Variants in ANK1 observed in about 807,000 individuals in gnomAD.
The protein encoded by ANK1 is ankyrin 1.
ANK1 carries 51 observed loss-of-function variants against 210.4 expected under a neutral mutation model. That is an observed-to-expected ratio of 0.24 (90% CI 0.19 to 0.31). The LOEUF (loss-of-function observed/expected upper bound fraction) is 0.31. ANK1 is among the 10% of genes least tolerant of loss of function. The probability of loss-of-function intolerance (pLI) is 1.00; values close to 1 mark genes in which losing one functional copy is unlikely to be tolerated. For synonymous variants in ANK1, 967 were observed against 1,025.9 expected (o/e 0.94, Z 1.10); for missense variants, 2,051 against 2,504.4 (o/e 0.82, Z 3.86).
chr8:41,896,175 C>G (rs921844520), intron 1 of ANK1, among the ~76,000 whole-genome samples: 1 of 152,190 alleles, frequency 6.6e-6, no homozygotes, highest in Admixed American at 6.5e-5. Context: ...TGTCCCCTTC[C>G]CGGCCGCGCA....
intron 1 of ANK1, among the ~76,000 whole-genome samples, chr8:41,889,623 G>A (rs1376429062): frequency 6.6e-6 from 1 of 152,078 alleles, no homozygotes; most frequent in African/African-American, 2.4e-5. Context: ...TTCCTTTCTT[G>A]GAGAATGTGC....
intron 11 of ANK1, 104 bp from the exon 12 acceptor site, chr8:41,717,806 A>T (rs995558033): frequency 4.3e-6 from 5 of 1,160,298 alleles, no homozygotes; most frequent in Admixed American, 2.0e-5. Context: ...ATTTTCCAAG[A>T]AAAGGGAGCT....
intron 1 of ANK1, among the ~76,000 whole-genome samples, chr8:41,887,662 T>A (rs1818695963): frequency 1.3e-5 from 2 of 152,236 alleles, no homozygotes; most frequent in Non-Finnish European, 2.9e-5. Flanking sequence ...AGTGTGTATT[T>A]CTCTGATGAC....
At chr8:41,784,615 T>G (rs1375099786) in intron 1 of ANK1, among the ~76,000 whole-genome samples, 1 of 152,208 alleles carries the variant, frequency 6.6e-6, no homozygotes, top group Non-Finnish European at 1.5e-5. Flanking sequence ...CTAAATCTAT[T>G]CAGTTAAAGC....
Position 41,692,852 on chromosome 8 carries a change from C to G in ANK1, c.3654G>C (p.Arg1218=), listed in dbSNP as rs745969838. 1.2e-6 allele frequency: 2 copies of G among 1,613,978 alleles called. No individual in the cohort carries two copies. Among genetic ancestry groups the G allele is most frequent in the South Asian group, 2.2e-5 (2 of 91,052 alleles). Residue 1218 remains arginine, a synonymous_variant, in exon 31 of 43, where the codon CGG becomes CGC. Coordinates refer to ENST00000289734, the MANE Select transcript of ANK1 (RefSeq NM_000037.4). ...SARFWLSDCP[R]TAEAVNFATL... ...TGGCAAAGTTCACAGCCTCAGCAGT[C>G]CGAGGACAGTCCGACAGCCAAAACC...
intron 1 of ANK1, among the ~76,000 whole-genome samples, chr8:41,775,434 C>T (rs1843812814): frequency 6.6e-6 from 1 of 152,174 alleles, no homozygotes; most frequent in Non-Finnish European, 1.5e-5. Context: ...CAAGGCTTCC[C>T]TTACATGGAG....
At chr8:41,693,525 C>T (rs1429166828) in intron 29 of ANK1, among the ~76,000 whole-genome samples, 2 of 140,728 alleles carry the variant, frequency 1.4e-5, no homozygotes, top group South Asian at 2.4e-4. Flanking sequence ...GCAACCTCCA[C>T]CTCCCAGGTT....
At chr8:41,767,415 C>G (rs771073382) in intron 1 of ANK1, among the ~76,000 whole-genome samples, 52 of 151,954 alleles carry the variant, frequency 3.4e-4, no homozygotes, top group Admixed American at 1.2e-3. Context: ...GAGCCCGGCT[C>G]CCGCTCCCCC....
upstream of ANK1, among the ~76,000 whole-genome samples, chr8:41,797,828 G>A (rs1044865573): frequency 8.5e-5 from 13 of 152,132 alleles, no homozygotes; most frequent in Middle Eastern, 3.4e-3. This position sits in a 1 kb window ranked among gnomAD's most constrained non-coding sequence, Gnocchi z 4.0. Context: ...TTGCCCCGGG[G>A]TCGAGAGCAG....
At chr8:41,800,652 G>T (rs1849719893), upstream of ANK1, among the ~76,000 whole-genome samples, 1 of 152,142 alleles carries the variant, frequency 6.6e-6, no homozygotes, top group Non-Finnish European at 1.5e-5. Context: ...AACAGAGATG[G>T]AAACATTATC....
chr8:41,884,772 C>T (rs1311200873), intron 1 of ANK1, among the ~76,000 whole-genome samples: 1 of 152,086 alleles, frequency 6.6e-6, no homozygotes, highest in Non-Finnish European at 1.5e-5. Flanking sequence ...TTCAAGGCTG[C>T]AATAAACTGT....
intron 42 of ANK1, among the ~76,000 whole-genome samples, chr8:41,660,808 G>T (rs1807831931): frequency 6.6e-6 from 1 of 152,142 alleles, no homozygotes; most frequent in Admixed American, 6.5e-5. Flanking sequence ...CCAAAGAGAA[G>T]CTAAGCCTTG....
intron 9 of ANK1, among the ~76,000 whole-genome samples, chr8:41,722,336 AT>A (rs1231953558): frequency 3.9e-5 from 6 of 152,254 alleles, no homozygotes; most frequent in Non-Finnish European, 8.8e-5. Context: ...GAACATGATA[AT>A]GTGTCGGGAA....
intron 1 of ANK1, among the ~76,000 whole-genome samples, chr8:41,775,135 G>A (rs1196383347): frequency 6.6e-6 from 1 of 151,880 alleles, no homozygotes; most frequent in African/African-American, 2.4e-5. Context: ...TCTGAAGGAT[G>A]CCCAGGCGTT....
At chr8:41,803,034 AAAGAAAG>A (rs1563810259) in intron 1 of ANK1, among the ~76,000 whole-genome samples, 1 of 94,624 alleles carries the variant, frequency 1.1e-5, no homozygotes, top group Non-Finnish European at 2.3e-5. Context: ...AGAAAGAAAG[AAAGAAAG>A]AGAAAGAAAG....
intron 9 of ANK1, among the ~76,000 whole-genome samples, chr8:41,722,531 T>C (rs1239423235): frequency 6.6e-6 from 1 of 152,216 alleles, no homozygotes; most frequent in Non-Finnish European, 1.5e-5. Context: ...TTTCACCCCT[T>C]GAAGACTCGA....
At chr8:41,784,647 G>A (rs1045832541) in intron 1 of ANK1, among the ~76,000 whole-genome samples, 1 of 152,034 alleles carries the variant, frequency 6.6e-6, no homozygotes, top group African/African-American at 2.4e-5. Flanking sequence ...TTCCACAAAC[G>A]TTTTTATCTA....
intron 1 of ANK1, among the ~76,000 whole-genome samples, chr8:41,803,037 G>GAA (rs1248822461): frequency 2.7e-5 from 2 of 72,782 alleles, no homozygotes; most frequent in Non-Finnish European, 5.4e-5. Context: ...AAGAAAGAAA[G>GAA]AAAGAGAAAG....
At chr8:41,783,558 G>A (rs545157483) in intron 1 of ANK1, among the ~76,000 whole-genome samples, 5 of 152,206 alleles carry the variant, frequency 3.3e-5, no homozygotes, top group African/African-American at 1.2e-4. Context: ...CCCTGCCTAC[G>A]TCCATCCAAT....
Sources: gnomAD v4.1 joint callset for allele counts (sites outside exome capture counted in the v4.1 genomes callset) on GRCh38, gnomAD v4.1.1 for gene constraint, Gnocchi (gnomAD v3.1) non-coding constraint, MANE v1.5 for transcripts, NCBI Gene and HGNC (gene_info 2026-07-23, HGNC 2026-07-21) for gene names.